The following METTL24 variants were observed in gnomAD, a reference collection of about 807,000 sequenced individuals.
METTL24 encodes probable methyltransferase-like protein 24.
In METTL24, 29 loss-of-function variants were observed where a neutral mutation model predicts 32.7. The ratio of observed to expected loss-of-function variants is 0.89; its 90% CI spans 0.66 to 1.21. The LOEUF (loss-of-function observed/expected upper bound fraction) is 1.21. Among genes scored for constraint, METTL24 ranks in the 50% most tolerant of loss-of-function variants. METTL24 has a pLI of 0.00. For synonymous variants in METTL24, 163 were observed against 179.5 expected (o/e 0.91, Z 0.73); for missense variants, 439 against 468.1 (o/e 0.94, Z 0.57).
At chr6:110,310,216 A>G (rs542121518) in intron 3 of METTL24, among the ~76,000 whole-genome samples, 1 of 152,198 alleles carries the variant, frequency 6.6e-6, no homozygotes, top group South Asian at 2.1e-4. Flanking sequence ...ATCATCTACT[A>G]TCTTAGACTG....
chr6:110,314,567 T>A (rs1170627849), intron 3 of METTL24, among the ~76,000 whole-genome samples: 1 of 152,192 alleles, frequency 6.6e-6, no homozygotes, highest in Non-Finnish European at 1.5e-5. Flanking sequence ...TTATCCTTTT[T>A]AAAAATGTAA....
intron 1 of METTL24, among the ~76,000 whole-genome samples, chr6:110,330,483 G>A (rs969919859): frequency 2.0e-5 from 3 of 152,326 alleles, no homozygotes; most frequent in Non-Finnish European, 4.4e-5. Context: ...GGGAGAAGGA[G>A]TAGCTTGGGA....
At chr6:110,251,413 A>G (rs990692320) in intron 4 of METTL24, among the ~76,000 whole-genome samples, 1 of 152,216 alleles carries the variant, frequency 6.6e-6, no homozygotes, top group Admixed American at 6.5e-5. Flanking sequence ...ATTTGGTTTT[A>G]CTTGACAGTT....
intron 4 of METTL24, among the ~76,000 whole-genome samples, chr6:110,265,689 TAAG>T (rs1474469972): frequency 1.3e-5 from 2 of 152,056 alleles, no homozygotes; most frequent in Non-Finnish European, 2.9e-5. Context: ...TATTGAACCA[TAAG>T]AAGAAGGATT....
intron 3 of METTL24, among the ~76,000 whole-genome samples, chr6:110,308,484 C>T (rs1230421169): frequency 6.6e-6 from 1 of 152,106 alleles, no homozygotes; most frequent in Non-Finnish European, 1.5e-5. Context: ...CACTTCACAT[C>T]CACTAAGATG....
intron 2 of METTL24, among the ~76,000 whole-genome samples, chr6:110,317,933 T>C (rs1371721820): frequency 1.3e-5 from 2 of 152,130 alleles, no homozygotes. Context: ...CAGATGGCCT[T>C]TTGAGTTTAC....
At chr6:110,304,070 A>T (rs763296924) in intron 3 of METTL24, among the ~76,000 whole-genome samples, 30 of 152,222 alleles carry the variant, frequency 2.0e-4, no homozygotes, top group Admixed American at 1.7e-3. Context: ...CCTGCAGAAG[A>T]GGGGCCTGAC....
chr6:110,349,880 T>C (rs1430029120), intron 1 of METTL24, among the ~76,000 whole-genome samples: 4 of 152,212 alleles, frequency 2.6e-5, no homozygotes, highest in Non-Finnish European at 5.9e-5. Flanking sequence ...TTTATTAGCT[T>C]ACAGAATCTC....
At chr6:110,324,079 T>C (rs958719790) in intron 1 of METTL24, among the ~76,000 whole-genome samples, 5 of 152,070 alleles carry the variant, frequency 3.3e-5, no homozygotes, top group African/African-American at 4.8e-5. Flanking sequence ...CGGGGTTACA[T>C]AGAAAACAGG....
chr6:110,328,353 G>A (rs1213901446), intron 1 of METTL24, among the ~76,000 whole-genome samples: 1 of 152,178 alleles, frequency 6.6e-6, no homozygotes, highest in African/African-American at 2.4e-5. Context: ...AGAGGCAAAT[G>A]TTTTCATTAC....
intron 2 of METTL24, among the ~76,000 whole-genome samples, chr6:110,321,509 T>C (rs932212547): frequency 3.9e-5 from 6 of 152,252 alleles, no homozygotes; most frequent in Middle Eastern, 3.2e-3. Context: ...CTGGAGCCTT[T>C]AAGGGCTTTT....
chr6:110,275,511 A>C (rs1582395588), intron 4 of METTL24, among the ~76,000 whole-genome samples: 1 of 151,514 alleles, frequency 6.6e-6, no homozygotes, highest in Admixed American at 6.6e-5. Flanking sequence ...CCCCTCCTTA[A>C]CTCCCCAAGC....
At chr6:110,310,660 T>C (rs1251840795) in intron 3 of METTL24, among the ~76,000 whole-genome samples, 2 of 152,244 alleles carry the variant, frequency 1.3e-5, no homozygotes, top group East Asian at 3.8e-4. Context: ...CATTTTCAAC[T>C]GAACATGACA....
intron 1 of METTL24, among the ~76,000 whole-genome samples, chr6:110,351,438 G>T (rs1488984268): frequency 6.6e-6 from 1 of 152,098 alleles, no homozygotes; most frequent in Non-Finnish European, 1.5e-5. Context: ...CTAGCTAGAT[G>T]GGTATAGACA....
chr6:110,357,177 A>G (rs538451932), intron 1 of METTL24, among the ~76,000 whole-genome samples: 18 of 152,310 alleles, frequency 1.2e-4, no homozygotes, highest in Non-Finnish European at 2.5e-4. Context: ...TTTCATTTCC[A>G]TGTACGACGC....
intron 4 of METTL24, among the ~76,000 whole-genome samples, chr6:110,286,484 T>C (rs753735322): frequency 3.3e-5 from 5 of 152,208 alleles, no homozygotes; most frequent in African/African-American, 4.8e-5. Flanking sequence ...TTGTTGATAC[T>C]GTTTTGGTTT....
intron 3 of METTL24, among the ~76,000 whole-genome samples, chr6:110,301,065 A>G (rs1021175091): frequency 3.3e-5 from 5 of 152,090 alleles, no homozygotes; most frequent in African/African-American, 1.2e-4. Flanking sequence ...TTATAGTCTT[A>G]TTTGCCTCTT....
At chr6:110,254,222 T>G in intron 4 of METTL24, 1 of 296,278 alleles carries the variant, frequency 3.4e-6, no homozygotes, top group Admixed American at 5.1e-5. Flanking sequence ...TAAGTTTGTG[T>G]GTGTGTTCTG....
At chr6:110,262,818 C>T (rs1770764921) in intron 4 of METTL24, among the ~76,000 whole-genome samples, 2 of 152,168 alleles carry the variant, frequency 1.3e-5, no homozygotes, top group African/African-American at 4.8e-5. Context: ...GTTCAACATA[C>T]ACAAATCAAT....
Sources: gnomAD v4.1 joint callset for allele counts (sites outside exome capture counted in the v4.1 genomes callset) on GRCh38, gnomAD v4.1.1 for gene constraint, MANE v1.5 for transcripts, NCBI Gene and HGNC (gene_info 2026-07-23, HGNC 2026-07-21) for gene names.